NCOR1: variants seen among roughly 807,000 people sequenced by gnomAD.
NCOR1 encodes nuclear receptor corepressor 1.
Under a neutral mutation model 288.1 loss-of-function variants are expected in NCOR1, and 63 were observed. That is an observed-to-expected ratio of 0.22 (90% confidence interval 0.18 to 0.27). The LOEUF (loss-of-function observed/expected upper bound fraction) is 0.27. Among genes scored for constraint, NCOR1 ranks in the 10% least tolerant of loss-of-function variants. The pLI, the probability that NCOR1 is intolerant of heterozygous loss-of-function variation, is 1.00. For synonymous variants in NCOR1, 1,007 were observed against 1,065.9 expected, an observed-to-expected ratio of 0.94 and a Z score of 1.08; for missense variants, 2,397 against 3,019.2, an observed-to-expected ratio of 0.79 and a Z score of 4.83.
chr17:16,126,705 G>T (rs1386730545), intron 14 of NCOR1, among the ~76,000 whole-genome samples: 1 of 152,168 alleles, frequency 6.6e-6, no homozygotes, highest in East Asian at 1.9e-4. Flanking sequence ...TACTAAGACT[G>T]AAGTAATTTG....
At chr17:16,089,153 T>G (rs1263309369) in intron 22 of NCOR1, among the ~76,000 whole-genome samples, 5 of 150,914 alleles carry the variant, frequency 3.3e-5, no homozygotes, top group Non-Finnish European at 7.4e-5. Context: ...TGATGGAAAT[T>G]GGATGGTTCT....
chr17:16,051,592 T>C (rs12945546), intron 40 of NCOR1, among the ~76,000 whole-genome samples: 65,208 of 151,668 alleles, frequency 0.43, 15,668 homozygotes, highest in Middle Eastern at 0.57. Flanking sequence ...AGCAAACAAA[T>C]CCCAAAGCTA....
At position 16,039,484 on chromosome 17, in the gene NCOR1, CA is replaced by C; in HGVS notation, c.6903del (p.Val2302Ter). ...TCTCTTCGTGTCTCACCACTGGTCA[CA>C]ACTGAGGTGTTGGCAGTACCAGGCA... ...GVVPGTANTS[V>X]VTSGETRREE... On this transcript the variant is annotated frameshift_variant, in exon 44 of 46. Transcript: ENST00000268712. LOFTEE classifies it high-confidence loss of function. 1 of 1,614,068 alleles carries C rather than the reference CA, an allele frequency of 6.2e-7. No individual in the cohort carries two copies. The highest frequency in any genetic ancestry group is 8.5e-7 in the Non-Finnish European group (1 of 1,180,012).
rs544594411 is a variant in NCOR1 at position 16,172,780 on chromosome 17, G to A, written c.243-785C>T. 1.5e-3 allele frequency among the ~76,000 whole-genome samples: 232 copies of A among 152,214 alleles called. 1 individual carries two copies. The highest frequency in any genetic ancestry group is 2.3e-3 in the Non-Finnish European group (159 of 68,008). On this transcript the variant is annotated intron_variant, in intron 3 of 45. Coordinates refer to ENST00000268712, the MANE Select transcript of NCOR1 (RefSeq NM_006311.4). The stretch of plus-strand genomic sequence containing the variant: ...CAGGATGTATTGTTGAGTCCTGCTC[G>A]TGAGTGCTCATTAAGTTGACTTTTC...
chr17:16,037,559 C>T (rs2056674331), intron 44 of NCOR1, among the ~76,000 whole-genome samples: 1 of 152,168 alleles, frequency 6.6e-6, no homozygotes, highest in African/African-American at 2.4e-5. Flanking sequence ...GACATCAAGC[C>T]TTCTTTACTG....
intron 32 of NCOR1, 110 bp from the exon 33 acceptor site, chr17:16,065,804 A>G: frequency 3.2e-6 from 3 of 933,906 alleles, no homozygotes; most frequent in East Asian, 2.5e-5. Flanking sequence ...GCTAGTGCAC[A>G]TGGAACTTTT....
chr17:16,143,654 C>T lies in NCOR1; in HGVS notation c.1125G>A (p.Arg375=), dbSNP rs1448050491. 1.2e-6 allele frequency: 2 copies of T among 1,613,930 alleles called. No homozygotes were observed. The highest frequency in any genetic ancestry group is 1.3e-5 in the African/African-American group (1 of 75,038). Residue 375 remains arginine (R), a synonymous_variant, in exon 11 of 46, where the codon AGG becomes AGA. Coordinates refer to ENST00000268712, the MANE Select transcript of NCOR1 (RefSeq NM_006311.4). The stretch of plus-strand genomic sequence containing the variant: ...TAATTTCAGAAATCTCATGCTCACT[C>T]CTAGCAATGGTGGCTGAAAGACCAG... ...RGAGLSATIA[R]SEHEISEIID... is the part of the protein sequence containing the mutation.
intron 18 of NCOR1, among the ~76,000 whole-genome samples, chr17:16,113,765 C>T (rs564881871): frequency 1.8e-4 from 27 of 152,066 alleles, no homozygotes; most frequent in East Asian, 7.7e-4. Flanking sequence ...TAGCGGCGTG[C>T]GCCTGTAATC....
chr17:16,208,035 C>CTTTTTTT (rs71150278), intron 1 of NCOR1, among the ~76,000 whole-genome samples: 44 of 72,558 alleles, frequency 6.1e-4, no homozygotes, highest in East Asian at 7.9e-4. Context: ...ATATTTCTTT[C>CTTTTTTT]TTTTTTTTTT....
chr17:16,090,899 T>G (rs2065061700), intron 22 of NCOR1, among the ~76,000 whole-genome samples: 1 of 152,180 alleles, frequency 6.6e-6, no homozygotes, highest in South Asian at 2.1e-4. Flanking sequence ...TTTAGCTAAA[T>G]AAAGTACTGT....
intron 3 of NCOR1, among the ~76,000 whole-genome samples, chr17:16,173,057 G>A (rs897023162): frequency 2.0e-5 from 3 of 151,716 alleles, no homozygotes; most frequent in African/African-American, 4.8e-5. Context: ...CAGCCTCCCC[G>A]GTAGCTGGGA....
intron 2 of NCOR1, among the ~76,000 whole-genome samples, 180 bp from the exon 3 acceptor site, chr17:16,186,867 A>G (rs1251343020): frequency 6.6e-6 from 1 of 152,180 alleles, no homozygotes; most frequent in Non-Finnish European, 1.5e-5. Flanking sequence ...ACTATATATC[A>G]TTAAAAAAAT....
intron 40 of NCOR1, among the ~76,000 whole-genome samples, chr17:16,050,000 CT>C (rs2059123638): frequency 6.6e-6 from 1 of 152,200 alleles, no homozygotes; most frequent in Admixed American, 6.5e-5. Flanking sequence ...AAGTGGTCCT[CT>C]CACTTACATC....
At chr17:16,147,880 G>A (rs879877262) in intron 9 of NCOR1, among the ~76,000 whole-genome samples, 11 of 152,052 alleles carry the variant, frequency 7.2e-5, no homozygotes, top group South Asian at 2.1e-4. Flanking sequence ...GTGCAGTGGC[G>A]CGATCTCGCT....
intron 42 of NCOR1, chr17:16,044,531 G>A (rs907382017): frequency 1.2e-5 from 6 of 491,010 alleles, no homozygotes; most frequent in African/African-American, 1.2e-4. Context: ...GTCCTTCCAA[G>A]GAAGCTAAGG....
intron 20 of NCOR1, among the ~76,000 whole-genome samples, chr17:16,099,947 T>G (rs1440479105): frequency 6.6e-6 from 1 of 152,224 alleles, no homozygotes; most frequent in Non-Finnish European, 1.5e-5. Flanking sequence ...AATCTCATTA[T>G]GGAGTACATA....
intron 34 of NCOR1, 135 bp downstream of exon 34, chr17:16,064,735 G>A: frequency 1.3e-6 from 1 of 782,326 alleles, no homozygotes; most frequent in Admixed American, 3.1e-5. Context: ...TGGCACATAA[G>A]AACTACTATT....
At chr17:16,175,976 G>A (rs1417587112) in intron 3 of NCOR1, among the ~76,000 whole-genome samples, 1 of 152,092 alleles carries the variant, frequency 6.6e-6, no homozygotes, top group Non-Finnish European at 1.5e-5. Context: ...CAGCACTTTG[G>A]GAGGTCAAGG....
At chr17:16,174,840 A>C (rs1333517492) in intron 3 of NCOR1, among the ~76,000 whole-genome samples, 3 of 152,162 alleles carry the variant, frequency 2.0e-5, no homozygotes, top group East Asian at 3.8e-4. Flanking sequence ...TAGTTTCTCA[A>C]ATAGTTAAAT....
Sources: allele counts gnomAD v4.1 joint callset (sites outside exome capture counted in the v4.1 genomes callset), GRCh38; gene constraint gnomAD v4.1.1; transcripts MANE v1.5; gene names NCBI Gene and HGNC (gene_info 2026-07-23, HGNC 2026-07-21).